Variants in CNTNAP3 observed in about 807,000 individuals in gnomAD.
CNTNAP3 encodes contactin-associated protein-like 3.
A neutral mutation model predicts 92.1 loss-of-function variants in CNTNAP3; 36 were observed. The observed-to-expected ratio is 0.39, with a 90% CI of 0.30 to 0.52. CNTNAP3 has a LOEUF of 0.52. Among genes scored for constraint, CNTNAP3 ranks in the 20% least tolerant of loss-of-function variants. The pLI is 0.76. For synonymous variants in CNTNAP3, 232 were observed against 422.3 expected (o/e 0.55, Z 5.53); for missense variants, 534 against 1,069.6 (o/e 0.50, Z 6.98).
Position 39,100,133 on chromosome 9 carries a change from G to A in CNTNAP3, c.2773C>T (p.Gln925Ter), listed in dbSNP as rs369250892. 1.3e-6 allele frequency: 2 copies of A among 1,584,718 alleles called. No individual in the cohort carries two copies. Among genetic ancestry groups the A allele is most frequent in the East Asian group, 2.3e-5 (1 of 44,364 alleles). The change falls in exon 18 of 24, where the codon CAG becomes TAG. Residue 925 changes from glutamine to a stop codon, truncating the protein, a stop_gained. Transcript: ENST00000297668. LOFTEE classifies it high-confidence loss of function. The stretch of plus-strand genomic sequence containing the variant: ...CGAATGCATCCTAGAAAGCCTCTCT[G>A]TCTGGTGGCCGTTCCACCTACAACG... ...QLFIGGTATRQRGFLGCIRSL... is the reference protein window; with the variant it reads ...QLFIGGTATR
At position 39,070,384 on chromosome 9, in the gene CNTNAP3, A is replaced by T. The variant is rs1240313032; in HGVS notation, c.*3506T>A. Among the ~76,000 whole-genome samples, 43 of 134,496 alleles carry T rather than the reference A, an allele frequency of 3.2e-4. No homozygotes were observed. The East Asian group carries it at 9.4e-3, about 29-fold the overall frequency. 88.2% of individuals were successfully genotyped at this position (134,496 alleles called of 152,430 possible). A position where few individuals can be genotyped will look rare whatever the true frequency, so the allele number is the denominator to read the frequency against. ...GACAGCATGGATGGAACTGGAGGTC[A>T]TTATGTTAAGTGAAATAGGCCAGGC... On this transcript the variant is annotated 3_prime_UTR_variant, in exon 24 of 24. Transcript: ENST00000297668.
At chr9:39,102,225 G>T (rs1347421859) in intron 17 of CNTNAP3, among the ~76,000 whole-genome samples, 3 of 152,406 alleles carry the variant, frequency 2.0e-5, no homozygotes, top group Admixed American at 2.0e-4. Flanking sequence ...GGTTTCAGTG[G>T]GCTGAGATTG....
intron 18 of CNTNAP3, among the ~76,000 whole-genome samples, chr9:39,094,352 T>G (rs1443070057): frequency 6.6e-6 from 1 of 151,650 alleles, no homozygotes; most frequent in Non-Finnish European, 1.5e-5. Context: ...ACACAGAAGT[T>G]GTTAATTTTG....
chr9:39,089,977 C>T lies in CNTNAP3; in HGVS notation c.2996-1330G>A, dbSNP rs186132751. Among the ~76,000 whole-genome samples, 215 of 151,542 alleles carry T rather than the reference C, an allele frequency of 1.4e-3. 5 individuals carry two copies. Among genetic ancestry groups the T allele is most frequent in the Admixed American group, 0.013 (196 of 15,238 alleles). ...TTTCTTGAGACAGAGTCTCGCTCTG[C>T]TGCCCAGGCTGGAGTGCAGTGGCGT... is the stretch of plus-strand genomic sequence containing the variant. On this transcript the variant is annotated intron_variant, in intron 18 of 23. Transcript: ENST00000297668.
At chr9:39,133,922 G>A (rs1821364179) in intron 12 of CNTNAP3, among the ~76,000 whole-genome samples, 1 of 152,122 alleles carries the variant, frequency 6.6e-6, no homozygotes, top group Non-Finnish European at 1.5e-5. Context: ...CTAATAAGAT[G>A]TATTTAGAAT....
At chr9:39,088,998 A>G (rs2118431369) in intron 18 of CNTNAP3, among the ~76,000 whole-genome samples, 1 of 152,390 alleles carries the variant, frequency 6.6e-6, no homozygotes, top group East Asian at 1.9e-4. Context: ...TTTTTCCCAA[A>G]TTATTAATTT....
intron 14 of CNTNAP3, among the ~76,000 whole-genome samples, chr9:39,113,968 A>C (rs10123446): frequency 0.092 from 13,368 of 144,658 alleles, 642 homozygotes; most frequent in Admixed American, 0.15. Flanking sequence ...CTCTCTCTCT[A>C]TATATACACA....
At position 39,069,211 on chromosome 9, in the gene CNTNAP3, C is replaced by A; in HGVS notation, c.*4679G>T. On this transcript the variant is annotated 3_prime_UTR_variant, in exon 24 of 24. Coordinates refer to ENST00000297668, the MANE Select transcript of CNTNAP3 (RefSeq NM_033655.5). ...AGACATCTCAGGACCTGCATTCTAA[C>A]CCATTTTTGTCAGTAATTATCTGTG... 6.6e-6 allele frequency among the ~76,000 whole-genome samples: 1 copy of A among 152,210 alleles called. No homozygotes were observed. The highest frequency in any genetic ancestry group is 1.9e-4 in the East Asian group (1 of 5,200).
intron 3 of CNTNAP3, among the ~76,000 whole-genome samples, chr9:39,202,196 T>C (rs1188341761): frequency 3.2e-5 from 1 of 31,056 alleles, no homozygotes; most frequent in African/African-American, 5.2e-5. Context: ...ACTTGAACAA[T>C]AACTTCATCT....
chr9:39,110,902 G>A (rs932798032), intron 14 of CNTNAP3, among the ~76,000 whole-genome samples: 4 of 152,152 alleles, frequency 2.6e-5, no homozygotes, highest in Admixed American at 2.6e-4. Flanking sequence ...AAACTCCACA[G>A]TATCTAGTAA....
intron 21 of CNTNAP3, among the ~76,000 whole-genome samples, chr9:39,081,004 T>C (rs1472219781): frequency 4.2e-5 from 6 of 141,990 alleles, no homozygotes; most frequent in African/African-American, 7.8e-5. Context: ...CCTTGAGCAA[T>C]TGTTTAATTT....
intron 23 of CNTNAP3, among the ~76,000 whole-genome samples, chr9:39,077,340 C>A (rs1262998122): frequency 6.6e-6 from 1 of 151,738 alleles, no homozygotes; most frequent in Non-Finnish European, 1.5e-5. Context: ...GGGTGGATCA[C>A]GAGGTCAGGA....
intron 21 of CNTNAP3, 150 bp downstream of exon 21, chr9:39,085,584 TAC>T (rs1458350674): frequency 2.8e-6 from 2 of 722,024 alleles, no homozygotes; most frequent in Non-Finnish European, 4.6e-6. Flanking sequence ...TGATTATATG[TAC>T]ACTCAGGCAA....
At chr9:39,118,978 G>A (rs2117967425) in intron 13 of CNTNAP3, among the ~76,000 whole-genome samples, 1 of 152,204 alleles carries the variant, frequency 6.6e-6, no homozygotes, top group African/African-American at 2.4e-5. Context: ...ATTAGGACAA[G>A]GGATGCTGCC....
chr9:39,088,898 A>G (rs1315450607), intron 18 of CNTNAP3, among the ~76,000 whole-genome samples: 3 of 152,218 alleles, frequency 2.0e-5, no homozygotes, highest in Non-Finnish European at 4.4e-5. Flanking sequence ...TTAATTCTCC[A>G]AATCATCCTC....
intron 10 of CNTNAP3, among the ~76,000 whole-genome samples, chr9:39,148,387 CACTA>C (rs1178839962): frequency 8.5e-5 from 13 of 152,216 alleles, no homozygotes; most frequent in South Asian, 4.1e-4. Flanking sequence ...TTTAGTATGT[CACTA>C]ACTATGAGTT....
At chr9:39,098,039 G>A (rs1564072044) in intron 18 of CNTNAP3, among the ~76,000 whole-genome samples, 1 of 148,750 alleles carries the variant, frequency 6.7e-6, no homozygotes, top group Non-Finnish European at 1.5e-5. Context: ...ATGAAACAGA[G>A]CTCCTGAAGT....
intron 10 of CNTNAP3, among the ~76,000 whole-genome samples, chr9:39,148,129 G>A (rs948059793): frequency 1.3e-4 from 19 of 151,820 alleles, no homozygotes; most frequent in Admixed American, 4.6e-4. Context: ...CCCTTCCCAC[G>A]ACTACAGAGT....
intron 14 of CNTNAP3, among the ~76,000 whole-genome samples, chr9:39,114,013 CACATATATATACACACATATAT>C (rs1361149675): frequency 1.4e-3 from 210 of 148,172 alleles, no homozygotes; most frequent in African/African-American, 4.9e-3. Flanking sequence ...TATATATACA[CACATATATATACACACATATAT>C]ACACACACAC....
Sources: allele counts gnomAD v4.1 joint callset (sites outside exome capture counted in the v4.1 genomes callset), GRCh38; gene constraint gnomAD v4.1.1; transcripts MANE v1.5; gene names NCBI Gene and HGNC (gene_info 2026-07-23, HGNC 2026-07-21).